Variants in ZC3H11A observed in about 807,000 individuals in gnomAD.
ZC3H11A encodes zinc finger CCCH domain-containing protein 11A.
Under a neutral mutation model 90.8 loss-of-function variants are expected in ZC3H11A, and 22 were observed. The ratio of observed to expected loss-of-function variants is 0.24; its 90% CI spans 0.17 to 0.35. ZC3H11A has a LOEUF of 0.35. Ranked by LOEUF, ZC3H11A falls within the 10% of genes least tolerant of loss-of-function variation. The pLI is 1.00. For synonymous variants in ZC3H11A, 294 were observed against 339.8 expected (o/e 0.87, Z 1.48); for missense variants, 701 against 964.9 (o/e 0.73, Z 3.62).
At position 203,852,629 on chromosome 1, in the gene ZC3H11A, A is replaced by G. The variant is rs1689545519; in HGVS notation, c.*230A>G. 3.6e-6 allele frequency: 2 copies of G among 548,984 alleles called. No homozygotes were observed. The highest frequency in any genetic ancestry group is 6.4e-6 in the Non-Finnish European group (2 of 312,216). The allele number at this position is 548,984 out of a possible 1,614,324, so 34.0% of individuals were successfully genotyped here. A position where few individuals can be genotyped will look rare whatever the true frequency, so the allele number is the denominator to read the frequency against. On this transcript the variant is annotated 3_prime_UTR_variant, in exon 18 of 18. Coordinates refer to ENST00000367210, the MANE Select transcript of ZC3H11A (RefSeq NM_001376342.1). Reference sequence around the variant, plus strand: ...TGCCATTGTTTATCATCTTTTGAGAAAAAAGTTCTGTCATACCCTTCTCTC... The same window carrying G: ...TGCCATTGTTTATCATCTTTTGAGAGAAAAGTTCTGTCATACCCTTCTCTC...
intron 2 of ZC3H11A, chr1:203,805,528 G>T (rs1480678912): frequency 1.9e-6 from 1 of 524,770 alleles, no homozygotes; most frequent in Non-Finnish European, 3.8e-6. Context: ...TTCAAAGAAA[G>T]GACAGAAACG....
At chr1:203,799,928 T>C (rs1474806893) in intron 1 of ZC3H11A, 3 of 1,536,048 alleles carry the variant, frequency 2.0e-6, no homozygotes, top group Middle Eastern at 1.7e-4. Context: ...TCTGTAATTA[T>C]ATGGAATCTT....
At chr1:203,848,616 G>A (rs11806103) in intron 14 of ZC3H11A, among the ~76,000 whole-genome samples, 27,231 of 152,102 alleles carry the variant, frequency 0.18, 2,575 homozygotes, top group Middle Eastern at 0.26. Context: ...TGCCGGGCGC[G>A]GTGGCTCACG....
chr1:203,803,179 T>G (rs1558092865), intron 2 of ZC3H11A, among the ~76,000 whole-genome samples, 163 bp downstream of exon 2: 1 of 152,124 alleles, frequency 6.6e-6, no homozygotes, highest in African/African-American at 2.4e-5. Flanking sequence ...GAAACATATT[T>G]TTTTCTTTCT....
At chr1:203,826,873 GA>G (rs1276904348) in intron 4 of ZC3H11A, among the ~76,000 whole-genome samples, 22 of 152,244 alleles carry the variant, frequency 1.4e-4, no homozygotes, top group African/African-American at 5.1e-4. Flanking sequence ...ACAACTTGAA[GA>G]ATTTTCATAG....
chr1:203,807,583 G>A (rs1307755311), intron 2 of ZC3H11A, among the ~76,000 whole-genome samples: 2 of 151,900 alleles, frequency 1.3e-5, no homozygotes, highest in African/African-American at 4.8e-5. Context: ...CTGGAGTGCA[G>A]TGATGTGATC....
rs1449803374 is a variant in ZC3H11A at position 203,801,566 on chromosome 1, T to TC, written c.-1587-8dup. The stretch of plus-strand genomic sequence containing the variant: ...GTGAGATCCCAATTTTTCCTTTTTT[T>TC]CATTTTAGATTTGGGGATATTCCCT... On this transcript the variant is annotated splice_polypyrimidine_tract_variant and intron_variant, in intron 1 of 17. Transcript: ENST00000367210. 3.9e-5 allele frequency: 6 copies of TC among 152,626 alleles called. No homozygotes were observed. The highest frequency in any genetic ancestry group is 1.2e-4 in the African/African-American group (5 of 41,448). The allele number at this position is 152,626 out of a possible 1,614,324, so 9.5% of individuals were successfully genotyped here. A position where few individuals can be genotyped will look rare whatever the true frequency, so the allele number is the denominator to read the frequency against.
At chr1:203,821,155 G>C (rs111803133) in intron 4 of ZC3H11A, among the ~76,000 whole-genome samples, 1 of 152,060 alleles carries the variant, frequency 6.6e-6, no homozygotes, top group African/African-American at 2.4e-5. Context: ...GTGCGTTCTC[G>C]TGAGATCTGA....
At chr1:203,806,246 C>T (rs1329658764) in intron 2 of ZC3H11A, 1 of 349,146 alleles carries the variant, frequency 2.9e-6, no homozygotes. Context: ...ATTTCACTTT[C>T]CTGAAGAATC....
chr1:203,800,534 TATAATC>T (rs1174516748), intron 1 of ZC3H11A: 2 of 1,349,474 alleles, frequency 1.5e-6, no homozygotes, highest in Non-Finnish European at 1.9e-6. Context: ...AGTTGTTAAA[TATAATC>T]ATTATCTTTA....
intron 4 of ZC3H11A, among the ~76,000 whole-genome samples, chr1:203,824,820 C>T (rs1679957430): frequency 6.6e-6 from 1 of 152,154 alleles, no homozygotes; most frequent in African/African-American, 2.4e-5. Context: ...TGGCTCACGC[C>T]TGTAATCCCA....
chr1:203,805,715 A>G lies in ZC3H11A; in HGVS notation c.-146+2699A>G, dbSNP rs542842949. The stretch of plus-strand genomic sequence containing the variant: ...ACACCTTCTGGAATTGCAGGTGCAG[A>G]TGCTGGCTCATCTAAATAGAACTCT... On this transcript the variant is annotated intron_variant, in intron 2 of 17. Transcript: ENST00000367210. 1,241 of 661,696 alleles carry G rather than the reference A, an allele frequency of 1.9e-3. 3 individuals carry two copies. The highest frequency in any genetic ancestry group is 2.7e-3 in the Non-Finnish European group (932 of 343,922). 41.0% of individuals were successfully genotyped at this position (661,696 alleles called of 1,614,324 possible).
intron 2 of ZC3H11A, among the ~76,000 whole-genome samples, chr1:203,804,966 C>T (rs964989295): frequency 6.6e-6 from 1 of 151,944 alleles, no homozygotes; most frequent in African/African-American, 2.4e-5. Flanking sequence ...AGCTATTGTG[C>T]CCGGCCTGTC....
intron 4 of ZC3H11A, among the ~76,000 whole-genome samples, chr1:203,824,739 T>TGTA (rs977455292): frequency 6.6e-6 from 1 of 152,126 alleles, no homozygotes; most frequent in Non-Finnish European, 1.5e-5. Context: ...TCAAGTGCTT[T>TGTA]GTAGTGTTGC....
intron 12 of ZC3H11A, among the ~76,000 whole-genome samples, chr1:203,844,785 A>C (rs1444041662): frequency 2.6e-5 from 4 of 152,072 alleles, no homozygotes; most frequent in Admixed American, 2.6e-4. Flanking sequence ...TTCTGAGTGG[A>C]AACAACTTCT....
intron 12 of ZC3H11A, among the ~76,000 whole-genome samples, chr1:203,844,480 TTC>T (rs1193385310): frequency 6.6e-6 from 1 of 152,224 alleles, no homozygotes; most frequent in African/African-American, 2.4e-5. Context: ...GCTCTGGGAT[TTC>T]TAATTCAAAT....
At chr1:203,829,336 T>C (rs1681528603) in intron 5 of ZC3H11A, 115 bp from the exon 6 acceptor site, 5 of 1,047,250 alleles carry the variant, frequency 4.8e-6, no homozygotes, top group Non-Finnish European at 1.4e-6. Context: ...TGAGGAAATT[T>C]AGTATAAATG....
chr1:203,829,579 A>G lies in ZC3H11A; in HGVS notation c.427A>G (p.Ser143Gly). 1.2e-6 allele frequency: 2 copies of G among 1,614,196 alleles called. No homozygotes were observed. Among genetic ancestry groups the G allele is most frequent in the Non-Finnish European group, 1.7e-6 (2 of 1,180,040 alleles). Reference protein sequence around the residue: ...PQLRSVMKVESSENVPSPTHP... With the variant: ...PQLRSVMKVEGSENVPSPTHP... ...GCTGCGGAGCGTTATGAAAGTAGAA[A>G]GTTCCGAAAATGTTCCTAGCCCCAC... The change falls in exon 6 of 18, where the codon AGT becomes GGT. Residue 143 changes from serine (S) to glycine (G), a missense_variant. This residue lies in a region of ZC3H11A where 530 missense variants were observed against 696.2 expected (regional missense o/e 0.76). Coordinates refer to ENST00000367210, the MANE Select transcript of ZC3H11A (RefSeq NM_001376342.1).
intron 4 of ZC3H11A, 119 bp from the exon 5 acceptor site, chr1:203,828,180 C>A: frequency 8.5e-7 from 1 of 1,173,380 alleles, no homozygotes; most frequent in Non-Finnish European, 1.2e-6. Context: ...TAAAAATCAT[C>A]TCATCTCACA....
Sources: gnomAD v4.1 joint callset for allele counts (sites outside exome capture counted in the v4.1 genomes callset) on GRCh38, gnomAD v4.1.1 for gene constraint, gnomAD v4.1.1 regional missense constraint, MANE v1.5 for transcripts, NCBI Gene and HGNC (gene_info 2026-07-23, HGNC 2026-07-21) for gene names.